GARNL3: variants seen among roughly 807,000 people sequenced by gnomAD.
GARNL3 encodes GTPase-activating Rap/Ran-GAP domain-like protein 3.
Under a neutral mutation model 125.0 loss-of-function variants are expected in GARNL3, and 63 were observed. That is an observed-to-expected ratio of 0.50 (90% confidence interval 0.41 to 0.62). The LOEUF (loss-of-function observed/expected upper bound fraction) is 0.62, where lower values mean the gene tolerates loss of function less well. GARNL3 is among the 20% of genes least tolerant of loss of function. GARNL3 has a pLI of 0.00. For missense variants in GARNL3, 994 were observed against 1,244.0 expected, an observed-to-expected ratio of 0.80 and a Z score of 3.02; for synonymous variants, 439 against 457.5, an observed-to-expected ratio of 0.96 and a Z score of 0.52.
intron 1 of GARNL3, among the ~76,000 whole-genome samples, chr9:127,275,606 G>A (rs2063933814): frequency 6.6e-6 from 1 of 152,320 alleles, no homozygotes; most frequent in South Asian, 2.1e-4. Context: ...GGGAACATCT[G>A]TGGGTTCTGA....
intron 2 of GARNL3, among the ~76,000 whole-genome samples, chr9:127,301,962 A>G (rs2064805975): frequency 1.0e-5 from 1 of 97,090 alleles, no homozygotes; most frequent in Non-Finnish European, 1.9e-5. Flanking sequence ...TTTTTTTGAG[A>G]CAGAGTCTCG....
intron 1 of GARNL3, among the ~76,000 whole-genome samples, chr9:127,241,175 G>A (rs1017527689): frequency 2.0e-5 from 3 of 152,102 alleles, no homozygotes; most frequent in Admixed American, 6.6e-5. Flanking sequence ...AGTCTCACTG[G>A]GTTTCTTCTC....
Position 127,387,129 on chromosome 9 carries a change from A to G in GARNL3, c.2389-64A>G, listed in dbSNP as rs878898953. On this transcript the variant is annotated intron_variant, in intron 24 of 27. Coordinates refer to ENST00000373387, the MANE Select transcript of GARNL3 (RefSeq NM_032293.5). ...TTGGAGGGTTTGCAGTGATGGCAGGAGGGCCAGTGGATGCAAGGCCTAGAA... is the reference window on the plus strand; with the variant it reads ...TTGGAGGGTTTGCAGTGATGGCAGGGGGGCCAGTGGATGCAAGGCCTAGAA... 51 of 1,530,818 alleles carry G rather than the reference A, an allele frequency of 3.3e-5. No homozygotes were observed. In the South Asian group the frequency reaches 6.2e-4, roughly 18 times the overall value. 94.8% of individuals were successfully genotyped at this position (1,530,818 alleles called of 1,614,324 possible).
chr9:127,258,811 G>C (rs1014160567), upstream of GARNL3, among the ~76,000 whole-genome samples: 1 of 152,166 alleles, frequency 6.6e-6, no homozygotes, highest in Non-Finnish European at 1.5e-5. Context: ...CTGGCACATG[G>C]TTTAGCTTCT....
At chr9:127,342,819 G>A (rs540112176) in intron 14 of GARNL3, among the ~76,000 whole-genome samples, 72 of 151,674 alleles carry the variant, frequency 4.7e-4, no homozygotes, top group Admixed American at 2.6e-3. Flanking sequence ...CAGACACTTC[G>A]TAGGCCTGAG....
At chr9:127,346,452 A>G (rs1830143979) in intron 16 of GARNL3, among the ~76,000 whole-genome samples, 1 of 152,232 alleles carries the variant, frequency 6.6e-6, no homozygotes, top group African/African-American at 2.4e-5. Context: ...AGACAAGACT[A>G]CTGGAAAAGC....
At chr9:127,273,415 T>C (rs1037610412) in intron 1 of GARNL3, among the ~76,000 whole-genome samples, 1 of 152,262 alleles carries the variant, frequency 6.6e-6, no homozygotes, top group Non-Finnish European at 1.5e-5. Context: ...CATTCCAACA[T>C]ATAATTTCAA....
At chr9:127,354,054 C>T (rs1251739305) in intron 18 of GARNL3, 110 bp downstream of exon 18, 3 of 782,060 alleles carry the variant, frequency 3.8e-6, no homozygotes, top group Non-Finnish European at 6.5e-6. Flanking sequence ...CCAGCTGTTT[C>T]CTTTCCTGAT....
At chr9:127,245,095 C>CG (rs1020551991) in intron 2 of GARNL3, among the ~76,000 whole-genome samples, 13 of 151,924 alleles carry the variant, frequency 8.6e-5, no homozygotes, top group Admixed American at 2.0e-4. Flanking sequence ...GTGTCCGGGG[C>CG]GGGGGGTTGG....
chr9:127,387,041 G>A, intron 24 of GARNL3, 152 bp from the exon 25 acceptor site: 1 of 666,600 alleles, frequency 1.5e-6, no homozygotes, highest in Non-Finnish European at 2.4e-6. Context: ...CCTCCAGAAG[G>A]CTCTCTCCAT....
At chr9:127,233,376 C>CATAG (rs2063054058) in intron 1 of GARNL3, among the ~76,000 whole-genome samples, 1 of 152,246 alleles carries the variant, frequency 6.6e-6, no homozygotes, top group East Asian at 1.9e-4. Flanking sequence ...ATCTTCCATT[C>CATAG]ACAGAGACCA....
intron 2 of GARNL3, among the ~76,000 whole-genome samples, chr9:127,301,207 T>C (rs537269951): frequency 3.3e-5 from 5 of 152,306 alleles, no homozygotes; most frequent in African/African-American, 1.2e-4. Context: ...AGGTTGTTAT[T>C]GAACCTTTTG....
intron 1 of GARNL3, among the ~76,000 whole-genome samples, chr9:127,241,546 T>C (rs2063204537): frequency 6.6e-6 from 1 of 151,600 alleles, no homozygotes; most frequent in South Asian, 2.1e-4. Context: ...TAGGGTGAGA[T>C]TACCTAGAAG....
intron 1 of GARNL3, among the ~76,000 whole-genome samples, chr9:127,239,061 T>C (rs1176624128): frequency 6.6e-6 from 1 of 152,208 alleles, no homozygotes; most frequent in Non-Finnish European, 1.5e-5. Flanking sequence ...GTCCACCCAA[T>C]TACCTGTTCC....
chr9:127,289,428 T>A (rs753658234), intron 1 of GARNL3, among the ~76,000 whole-genome samples: 5 of 152,244 alleles, frequency 3.3e-5, no homozygotes, highest in Non-Finnish European at 5.9e-5. Context: ...AGAGTTCCAT[T>A]GCAGAGCTTC....
At chr9:127,293,893 A>T (rs1235740057) in intron 2 of GARNL3, among the ~76,000 whole-genome samples, 2 of 152,212 alleles carry the variant, frequency 1.3e-5, no homozygotes, top group Non-Finnish European at 2.9e-5. Context: ...TTAAACTACC[A>T]AAGTGCTGCA....
At chr9:127,353,805 G>C (rs1588915459) in intron 17 of GARNL3, 41 bp from the exon 18 acceptor site, 1 of 1,342,890 alleles carries the variant, frequency 7.4e-7, no homozygotes, top group Non-Finnish European at 1.1e-6. Context: ...GGAAAGCGTG[G>C]GCTGGGTTGC....
At chr9:127,308,093 A>G (rs1247290731) in intron 2 of GARNL3, among the ~76,000 whole-genome samples, 1 of 152,252 alleles carries the variant, frequency 6.6e-6, no homozygotes, top group Non-Finnish European at 1.5e-5. Context: ...GAATCATGCG[A>G]AAGTCCTACA....
chr9:127,241,628 A>G (rs1304918823), intron 1 of GARNL3, among the ~76,000 whole-genome samples: 1 of 152,128 alleles, frequency 6.6e-6, no homozygotes, highest in African/African-American at 2.4e-5. Context: ...GTCATCATTT[A>G]TAAGAGGAAT....
Sources: allele counts gnomAD v4.1 joint callset (sites outside exome capture counted in the v4.1 genomes callset), GRCh38; gene constraint gnomAD v4.1.1; transcripts MANE v1.5; gene names NCBI Gene and HGNC (gene_info 2026-07-23, HGNC 2026-07-21).